Variants in PVR observed in about 807,000 individuals in gnomAD.
The protein encoded by PVR is PVR cell adhesion molecule, also known as poliovirus receptor.
PVR carries 39 observed loss-of-function variants against 43.3 expected under a neutral mutation model. The ratio of observed to expected loss-of-function variants is 0.90; its 90% CI spans 0.70 to 1.18. The LOEUF is 1.18. PVR is among the 50% of genes most tolerant of loss of function. The pLI, the probability that PVR is intolerant of heterozygous loss-of-function variation, is 0.00. For missense variants in PVR, 480 were observed against 549.7 expected, an observed-to-expected ratio of 0.87 and a Z score of 1.27; for synonymous variants, 224 against 233.2, an observed-to-expected ratio of 0.96 and a Z score of 0.36.
intron 3 of PVR, among the ~76,000 whole-genome samples, chr19:44,652,123 T>C (rs1030591615): frequency 6.6e-6 from 1 of 152,190 alleles, no homozygotes; most frequent in Non-Finnish European, 1.5e-5. Context: ...GCCATTGCAC[T>C]CCAGCCTGGG....
intron 2 of PVR, 30 bp downstream of exon 2, chr19:44,647,600 G>C: frequency 6.4e-7 from 1 of 1,555,942 alleles, no homozygotes; most frequent in Non-Finnish European, 8.7e-7. Flanking sequence ...GAGGCTGAAT[G>C]AAAGGCAGAG....
chr19:44,661,629 G>A, intron 7 of PVR, 111 bp from the exon 8 acceptor site: 1 of 980,694 alleles, frequency 1.0e-6, no homozygotes. Context: ...TGGCTTCCAG[G>A]GAGAGAGGAG....
At chr19:44,657,696 G>A (rs528323417) in intron 4 of PVR, 66 bp from the exon 5 acceptor site, 334 of 1,554,200 alleles carry the variant, frequency 2.1e-4, no homozygotes, top group Middle Eastern at 5.1e-4. Context: ...CACGTAGTGC[G>A]TGCTCAATCA....
In PVR at chr19:44,653,901, C is replaced by T. The variant is rs1237765464; in HGVS notation, c.726C>T (p.Tyr242=). 5.6e-6 allele frequency: 9 copies of T among 1,604,736 alleles called. No homozygotes were observed. In the African/African-American group the frequency reaches 1.2e-4, roughly 21 times the overall value. Residue 242 remains tyrosine, a splice_region_variant and synonymous_variant, in exon 4 of 8, where the codon TAC becomes TAT. Transcript: ENST00000425690. ...QLLTVNLTVY[Y]PPEVSISGYD... ...AACCTCTGTATCCATTTCCTGCAGA[C>T]CCCCCAGAGGTATCCATCTCTGGCT...
rs1234842309 is a variant in PVR, at chr19:44,661,949, G to A, written c.*138G>A. ...CCTGTGCCAGACCTCAAAACGACGG[G>A]GGCAGGTGCAAGTTCATAGGTCTCC... On this transcript the variant is annotated 3_prime_UTR_variant, in exon 8 of 8. Coordinates refer to ENST00000425690, the MANE Select transcript of PVR (RefSeq NM_006505.5). The A allele has an allele frequency of 8.1e-6, 6 of 740,696 alleles. No individual in the cohort carries two copies. Among genetic ancestry groups the A allele is most frequent in the Non-Finnish European group, 1.3e-5 (6 of 445,602 alleles). 45.9% of individuals were successfully genotyped at this position (740,696 alleles called of 1,614,324 possible). A position where few individuals can be genotyped will look rare whatever the true frequency, so the allele number is the denominator to read the frequency against.
chr19:44,644,858 G>A (rs758724696), intron 1 of PVR, among the ~76,000 whole-genome samples: 49 of 147,734 alleles, frequency 3.3e-4, no homozygotes, highest in Admixed American at 2.1e-3. Context: ...TCGGATTACA[G>A]ACATGTGCCA....
In PVR at chr19:44,664,681, G is replaced by A. The variant is rs1973666675; in HGVS notation, c.*2870G>A. On this transcript the variant is annotated 3_prime_UTR_variant, in exon 8 of 8. Coordinates refer to ENST00000425690, the MANE Select transcript of PVR (RefSeq NM_006505.5). ...CCTTTCACTATTACAATGTTGTAGT[G>A]AATAACTTTACACACTGTCATTTAT... The A allele has an allele frequency of 6.6e-6, 1 of 151,208 alleles. No homozygotes were observed. The highest frequency in any genetic ancestry group is 2.1e-4 in the South Asian group (1 of 4,786). 9.4% of individuals were successfully genotyped at this position (151,208 alleles called of 1,614,324 possible).
chr19:44,650,149 T>C, intron 3 of PVR, 44 bp downstream of exon 3: 1 of 1,482,052 alleles, frequency 6.7e-7, no homozygotes, highest in Non-Finnish European at 9.0e-7. Flanking sequence ...CCTGCCGGGC[T>C]GCCCCCACCA....
chr19:44,658,775 G>C lies in PVR; in HGVS notation c.1025G>C (p.Arg342Pro). The change falls in exon 6 of 8, where the codon CGT becomes CCT. Residue 342 changes from arginine (R) to proline (P), a missense_variant. Arg to Pro is a moderately radical substitution (Grantham distance 103). Transcript: ENST00000425690. Reference protein sequence around the residue: ...GPPSEHSGMSRNAIIFLVLGI... With the variant: ...GPPSEHSGMSPNAIIFLVLGI... ...CCCAGTGAGCACTCAGGCATGTCCCGTAACGCCATCATCTTCCTGGTTCTG... is the reference window on the plus strand; with the variant it reads ...CCCAGTGAGCACTCAGGCATGTCCCCTAACGCCATCATCTTCCTGGTTCTG... 1.2e-6 allele frequency: 2 copies of C among 1,611,636 alleles called. No individual in the cohort carries two copies. The highest frequency in any genetic ancestry group is 1.7e-6 in the Non-Finnish European group (2 of 1,177,732).
intron 2 of PVR, among the ~76,000 whole-genome samples, chr19:44,649,588 C>A (rs982085965): frequency 3.3e-5 from 5 of 152,052 alleles, no homozygotes; most frequent in African/African-American, 1.2e-4. Context: ...TGCCACCATA[C>A]CCTGGCTAAT....
At chr19:44,645,443 A>ATATATATATATATATATATATAT (rs1412998383) in intron 1 of PVR, among the ~76,000 whole-genome samples, 11 of 115,604 alleles carry the variant, frequency 9.5e-5, no homozygotes, top group Non-Finnish European at 1.3e-4. Context: ...ATATATATAT[A>ATATATATATATATATATATATAT]TAGTGCGTGT....
At chr19:44,661,029 T>C (rs551376348) in intron 6 of PVR, among the ~76,000 whole-genome samples, 21 of 152,340 alleles carry the variant, frequency 1.4e-4, no homozygotes, top group African/African-American at 3.8e-4. Context: ...AGATGGAATT[T>C]GAACCCATCC....
rs1599777553 is a variant in PVR at position 44,662,031 on chromosome 19, G to A, written c.*220G>A. On this transcript the variant is annotated 3_prime_UTR_variant, in exon 8 of 8. Coordinates refer to ENST00000425690, the MANE Select transcript of PVR (RefSeq NM_006505.5). ...CTCACTAGACTCAGGAAAGCTGTTA[G>A]GCTCACAGTTACAGTTTATTACAGT... The A allele has an allele frequency of 3.5e-6, 2 of 576,684 alleles. No individual in the cohort carries two copies. Among genetic ancestry groups the A allele is most frequent in the East Asian group, 5.7e-5 (2 of 35,160 alleles). 35.7% of individuals were successfully genotyped at this position (576,684 alleles called of 1,614,324 possible). A position where few individuals can be genotyped will look rare whatever the true frequency, so the allele number is the denominator to read the frequency against.
In PVR at chr19:44,644,175, G is replaced by T. The variant is rs1376489144; in HGVS notation, c.79G>T (p.Gly27Trp). The T allele has an allele frequency of 1.3e-6, 2 of 1,500,550 alleles. No individual in the cohort carries two copies. Among genetic ancestry groups the T allele is most frequent in the East Asian group, 2.8e-5 (1 of 35,368 alleles). The allele number at this position is 1,500,550 out of a possible 1,614,324, so 93.0% of individuals were successfully genotyped here. A position where few individuals can be genotyped will look rare whatever the true frequency, so the allele number is the denominator to read the frequency against. The change falls in exon 1 of 8, where the codon GGG becomes TGG. Residue 27 changes from glycine (G) to tryptophan (W), a missense_variant and splice_region_variant. Gly to Trp is a radical substitution (Grantham distance 184, BLOSUM62 -2). Transcript: ENST00000425690. Reference protein sequence around the residue: ...LVLSWPPPGTGDVVVQAPTQV... With the variant: ...LVLSWPPPGTWDVVVQAPTQV... ...GCTGTCCTGGCCACCCCCAGGAACC[G>T]GTGAGTGACCCCCGCGCAGTCCGGT...
intron 2 of PVR, among the ~76,000 whole-genome samples, chr19:44,649,427 CTTT>C (rs35536545): frequency 2.4e-5 from 3 of 125,424 alleles, no homozygotes; most frequent in Non-Finnish European, 1.6e-5. Flanking sequence ...CATTCTGTAT[CTTT>C]TTTTTTTTTT....
intron 2 of PVR, 134 bp from the exon 3 acceptor site, chr19:44,649,675 C>A (rs186441116): frequency 1.1e-5 from 10 of 896,064 alleles, no homozygotes; most frequent in Non-Finnish European, 1.2e-5. Context: ...CCCACCTCAG[C>A]CCCCCAAAGT....
At chr19:44,659,017 C>T in intron 6 of PVR, 117 bp downstream of exon 6, 1 of 953,664 alleles carries the variant, frequency 1.0e-6, no homozygotes, top group Admixed American at 2.5e-5. Context: ...CCCCATTTGA[C>T]TGATGAGGGT....
rs1973147867 is a variant in PVR at position 44,647,230 on chromosome 19, C to T, written c.87C>T (p.Val29=). The T allele has an allele frequency of 3.9e-6, 6 of 1,540,808 alleles. No individual in the cohort carries two copies. The highest frequency in any genetic ancestry group is 1.4e-5 in the African/African-American group (1 of 72,896). The part of the protein sequence containing the change: ...LSWPPPGTGD[V]VVQAPTQVPG... ...CTCTTCGGTTCTCCGCAGGGGACGT[C>T]GTCGTGCAGGCGCCCACCCAGGTGC... Residue 29 remains valine, a synonymous_variant, in exon 2 of 8, where the codon GTC becomes GTT. Coordinates refer to ENST00000425690, the MANE Select transcript of PVR (RefSeq NM_006505.5).
chr19:44,647,720 A>C, intron 2 of PVR, 150 bp downstream of exon 2: 1 of 21,376 alleles, frequency 4.7e-5, no homozygotes, highest in Non-Finnish European at 8.8e-5. Flanking sequence ...CAGCGCAATG[A>C]TGTGGGGTGG....
Sources: gnomAD v4.1 joint callset for allele counts (sites outside exome capture counted in the v4.1 genomes callset) on GRCh38, gnomAD v4.1.1 for gene constraint, MANE v1.5 for transcripts, NCBI Gene and HGNC (gene_info 2026-07-23, HGNC 2026-07-21) for gene names.